Variants in SCFD2 observed in about 807,000 individuals in gnomAD.
SCFD2 encodes sec1 family domain-containing protein 2.
Under a neutral mutation model 58.9 loss-of-function variants are expected in SCFD2, and 54 were observed. The ratio of observed to expected loss-of-function variants is 0.92; its 90% confidence interval spans 0.74 to 1.15. The LOEUF (loss-of-function observed/expected upper bound fraction) is 1.15, where lower values mean the gene tolerates loss of function less well. Among genes scored for constraint, SCFD2 ranks in the 50% most tolerant of loss-of-function variants. SCFD2 has a pLI of 0.00. For synonymous variants in SCFD2, 321 were observed against 335.9 expected (o/e 0.96, Z 0.49); for missense variants, 805 against 836.6 (o/e 0.96, Z 0.47).
chr4:52,883,482 TTCTTTGAGAAGCTC>T (rs1461524638), intron 8 of SCFD2, among the ~76,000 whole-genome samples: 1 of 152,206 alleles, frequency 6.6e-6, no homozygotes, highest in Non-Finnish European at 1.5e-5. Context: ...AAGCTCAAAA[TTCTTTGAGAAGCTC>T]TCTCTGCAGA....
At chr4:53,247,879 A>AAT (rs1437183235) in intron 4 of SCFD2, among the ~76,000 whole-genome samples, 44 of 151,038 alleles carry the variant, frequency 2.9e-4, no homozygotes, top group Admixed American at 2.6e-3. Flanking sequence ...AAAAAAAAAA[A>AAT]AAAAAAAAAA....
At chr4:53,159,605 C>T (rs1037468297) in intron 4 of SCFD2, among the ~76,000 whole-genome samples, 17 of 152,176 alleles carry the variant, frequency 1.1e-4, no homozygotes, top group African/African-American at 4.1e-4. Context: ...ACTAGTGGCT[C>T]CTTAGAGTTC....
rs190519355 is a variant in SCFD2, at chr4:53,095,627, T to G, written c.1561+49706A>C. 1.4e-3 allele frequency among the ~76,000 whole-genome samples: 210 copies of G among 152,222 alleles called. 3 individuals are homozygous for G. Among genetic ancestry groups the G allele is most frequent in the Non-Finnish European group, 7.2e-4 (49 of 68,010 alleles). ...AATTTCACTCCTCTGCTGAACACAC[T>G]CCAACAGCTCTACATTTCATTCAGG... On this transcript the variant is annotated intron_variant, in intron 5 of 8. Transcript: ENST00000401642.
intron 5 of SCFD2, among the ~76,000 whole-genome samples, chr4:53,089,173 T>C (rs1724401098): frequency 1.3e-5 from 2 of 152,226 alleles, no homozygotes; most frequent in Admixed American, 1.3e-4. Context: ...TAGTTTGTAA[T>C]AGCAGTTCCA....
chr4:53,036,365 A>C (rs991324543), intron 5 of SCFD2, among the ~76,000 whole-genome samples: 1 of 150,532 alleles, frequency 6.6e-6, no homozygotes, highest in Admixed American at 6.6e-5. Flanking sequence ...AGCTTCATCC[A>C]TGTCCCTGCA....
At chr4:53,206,699 A>G (rs1235556719) in intron 4 of SCFD2, among the ~76,000 whole-genome samples, 1 of 152,166 alleles carries the variant, frequency 6.6e-6, no homozygotes, top group African/African-American at 2.4e-5. Flanking sequence ...AAAATAATTT[A>G]ATGGTCATGG....
intron 5 of SCFD2, among the ~76,000 whole-genome samples, chr4:53,139,484 G>T (rs1177205452): frequency 7.6e-6 from 1 of 132,356 alleles, no homozygotes; most frequent in East Asian, 2.2e-4. Flanking sequence ...GAGCGTCTCT[G>T]ACCGGCCGCC....
chr4:52,937,281 G>A (rs1049244699), intron 5 of SCFD2, among the ~76,000 whole-genome samples: 11 of 152,176 alleles, frequency 7.2e-5, no homozygotes, highest in African/African-American at 2.7e-4. Flanking sequence ...TGAGGGGTAG[G>A]GAATGCAGAA....
chr4:53,017,106 T>TCACA (rs34552048), intron 5 of SCFD2, among the ~76,000 whole-genome samples: 7 of 151,038 alleles, frequency 4.6e-5, no homozygotes, highest in Admixed American at 1.3e-4. Context: ...AGACTCCGTC[T>TCACA]CACACACACA....
At chr4:53,076,802 A>C (rs969328565) in intron 5 of SCFD2, among the ~76,000 whole-genome samples, 7 of 152,192 alleles carry the variant, frequency 4.6e-5, no homozygotes, top group African/African-American at 1.7e-4. Context: ...GCATTTATCC[A>C]ACACGGGCTG....
intron 5 of SCFD2, among the ~76,000 whole-genome samples, chr4:53,051,134 T>C (rs1723181630): frequency 1.3e-5 from 2 of 152,220 alleles, no homozygotes; most frequent in South Asian, 4.1e-4. Context: ...TCCTAGTGCC[T>C]GGCACAGTGT....
chr4:53,008,689 A>G (rs1269608056), intron 5 of SCFD2, among the ~76,000 whole-genome samples: 1 of 152,188 alleles, frequency 6.6e-6, no homozygotes, highest in East Asian at 1.9e-4. Context: ...TTTCTAGAGA[A>G]AAAAAAGCAC....
At chr4:52,991,603 A>C (rs1410119748) in intron 5 of SCFD2, among the ~76,000 whole-genome samples, 1 of 152,176 alleles carries the variant, frequency 6.6e-6, no homozygotes, top group Non-Finnish European at 1.5e-5. Context: ...GAGGAGTTGG[A>C]TTAAGGGCCT....
At chr4:53,039,730 T>C (rs1406808596) in intron 5 of SCFD2, among the ~76,000 whole-genome samples, 3 of 152,194 alleles carry the variant, frequency 2.0e-5, no homozygotes, top group African/African-American at 7.2e-5. Context: ...TTTTTCATCA[T>C]CATAATAACT....
chr4:53,171,835 A>G (rs1727186388), intron 4 of SCFD2, among the ~76,000 whole-genome samples: 1 of 151,756 alleles, frequency 6.6e-6, no homozygotes, highest in Non-Finnish European at 1.5e-5. Flanking sequence ...TATCACCTTC[A>G]ATGTCTTCTC....
At chr4:52,982,428 C>A (rs190291212) in intron 5 of SCFD2, among the ~76,000 whole-genome samples, 11 of 152,308 alleles carry the variant, frequency 7.2e-5, no homozygotes, top group Non-Finnish European at 1.5e-5. Context: ...ATTTTGATGA[C>A]TCTTCTACAT....
At chr4:53,060,028 A>G (rs1483726130) in intron 5 of SCFD2, among the ~76,000 whole-genome samples, 3 of 152,090 alleles carry the variant, frequency 2.0e-5, no homozygotes, top group South Asian at 2.1e-4. Context: ...CATTGGTCCA[A>G]CTTTCTCATG....
At chr4:53,235,673 T>C (rs1281274137) in intron 4 of SCFD2, among the ~76,000 whole-genome samples, 2 of 152,196 alleles carry the variant, frequency 1.3e-5, no homozygotes, top group African/African-American at 2.4e-5. Flanking sequence ...AAAGTAGCAA[T>C]TGTAAATGCT....
At chr4:53,090,245 A>G (rs1171771896) in intron 5 of SCFD2, among the ~76,000 whole-genome samples, 22 of 152,228 alleles carry the variant, frequency 1.4e-4, no homozygotes, top group Admixed American at 1.4e-3. Context: ...AACAGAACAA[A>G]AAATAAGAAA....
Sources: allele counts gnomAD v4.1 joint callset (sites outside exome capture counted in the v4.1 genomes callset), GRCh38; gene constraint gnomAD v4.1.1; transcripts MANE v1.5; gene names NCBI Gene and HGNC (gene_info 2026-07-23, HGNC 2026-07-21).